Variants in TJP1 observed in about 807,000 individuals in gnomAD.
TJP1 encodes the protein tight junction protein 1, also known as tight junction protein ZO-1.
Under a neutral mutation model 194.2 loss-of-function variants are expected in TJP1, and 43 were observed. That is an observed-to-expected ratio of 0.22 (90% confidence interval 0.17 to 0.29). The LOEUF (loss-of-function observed/expected upper bound fraction) is 0.29. Among genes scored for constraint, TJP1 ranks in the 10% least tolerant of loss-of-function variants. The pLI is 1.00. For synonymous variants in TJP1, 801 were observed against 779.0 expected (o/e 1.03, Z -0.47); for missense variants, 1,971 against 2,185.7 (o/e 0.90, Z 1.96).
intron 1 of TJP1, among the ~76,000 whole-genome samples, chr15:29,810,806 A>G (rs2049439191): frequency 6.6e-6 from 1 of 152,158 alleles, no homozygotes; most frequent in African/African-American, 2.4e-5. Context: ...TCCGGGTAGA[A>G]AAAACAGCAC....
chr15:29,895,078 C>A (rs2053435312), intron 2 of TJP1, among the ~76,000 whole-genome samples: 1 of 152,144 alleles, frequency 6.6e-6, no homozygotes, highest in East Asian at 1.9e-4. Flanking sequence ...ACAGTGGTAG[C>A]CCCAATAATC....
At chr15:29,812,628 C>A (rs1295787816) in intron 1 of TJP1, among the ~76,000 whole-genome samples, 1 of 152,126 alleles carries the variant, frequency 6.6e-6, no homozygotes, top group Non-Finnish European at 1.5e-5. Flanking sequence ...TTACAACACA[C>A]GAACATAAAA....
intron 27 of TJP1, among the ~76,000 whole-genome samples, chr15:29,703,047 A>G (rs980245039): frequency 6.6e-6 from 1 of 152,258 alleles, no homozygotes; most frequent in African/African-American, 2.4e-5. Flanking sequence ...TCATTTACAA[A>G]TAGTGTATAA....
chr15:29,772,290 T>C (rs2046741256), intron 3 of TJP1, 124 bp from the exon 4 acceptor site: 1 of 592,638 alleles, frequency 1.7e-6, no homozygotes, highest in Non-Finnish European at 2.9e-6. Context: ...TTAATTTCTC[T>C]TCAGATCAAT....
At chr15:29,858,514 C>T (rs1016289100) in intron 2 of TJP1, among the ~76,000 whole-genome samples, 6 of 152,212 alleles carry the variant, frequency 3.9e-5, no homozygotes, top group African/African-American at 1.4e-4. Context: ...GGATACAGTG[C>T]TTCTGAAGAC....
chr15:29,705,442 T>C, intron 26 of TJP1, 86 bp downstream of exon 26: 1 of 1,358,718 alleles, frequency 7.4e-7, no homozygotes, highest in Non-Finnish European at 1.0e-6. Flanking sequence ...AGGTGCTGCA[T>C]TATTAGCCAA....
At chr15:29,900,707 C>G (rs149988731) in intron 2 of TJP1, among the ~76,000 whole-genome samples, 65 of 152,292 alleles carry the variant, frequency 4.3e-4, no homozygotes, top group Non-Finnish European at 7.4e-4. Context: ...GAAGGCACAG[C>G]CCAGTGTACG....
chr15:29,783,806 G>A (rs1234878074), intron 2 of TJP1, among the ~76,000 whole-genome samples: 1 of 152,134 alleles, frequency 6.6e-6, no homozygotes, highest in African/African-American at 2.4e-5. Context: ...ACCGGAGGGT[G>A]GAGGGTAGGA....
intron 2 of TJP1, among the ~76,000 whole-genome samples, chr15:29,887,074 T>C (rs1293634748): frequency 4.6e-5 from 7 of 151,014 alleles, no homozygotes; most frequent in African/African-American, 1.5e-4. Context: ...GAAACACCCA[T>C]CCATATTCAG....
At chr15:29,726,517 C>A (rs767582292) in intron 17 of TJP1, 38 bp from the exon 18 acceptor site, 1 of 1,585,890 alleles carries the variant, frequency 6.3e-7, no homozygotes, top group Non-Finnish European at 8.7e-7. Context: ...ATGGTTAGAG[C>A]ACTGCCAAAA....
intron 1 of TJP1, among the ~76,000 whole-genome samples, chr15:29,807,963 C>T (rs539468620): frequency 1.7e-4 from 26 of 152,052 alleles, no homozygotes; most frequent in Non-Finnish European, 3.2e-4. Flanking sequence ...ATCTGAATTA[C>T]GAAACAAAAA....
intron 2 of TJP1, among the ~76,000 whole-genome samples, chr15:29,921,865 A>G (rs2054373565): frequency 7.0e-6 from 1 of 142,918 alleles, no homozygotes; most frequent in Admixed American, 7.1e-5. Context: ...TTTCTCCATG[A>G]CGGAGTTTTG....
At chr15:29,912,767 C>T (rs2054062884) in intron 2 of TJP1, among the ~76,000 whole-genome samples, 1 of 142,176 alleles carries the variant, frequency 7.0e-6, no homozygotes, top group Non-Finnish European at 1.5e-5. Context: ...TGGAACTGTT[C>T]TGAATTTTGA....
At chr15:29,832,164 G>A (rs1024030144) in intron 2 of TJP1, among the ~76,000 whole-genome samples, 1 of 152,092 alleles carries the variant, frequency 6.6e-6, no homozygotes, top group Admixed American at 6.6e-5. Flanking sequence ...TTTAGTTAAA[G>A]GGTAAACATG....
At position 29,783,362 on chromosome 15, in the gene TJP1, T is replaced by C. The variant is rs543872098; in HGVS notation, c.85-10005A>G. On this transcript the variant is annotated intron_variant, in intron 2 of 27. Coordinates refer to ENST00000614355, the MANE Select transcript of TJP1 (RefSeq NM_001330239.4). ...AAAGTCAAAAAAAAATAACAGATGC[T>C]GGCAAGGCTACAGGGAAAAGGGACT... Among the ~76,000 whole-genome samples the C allele has an allele frequency of 1.6e-4, 24 of 152,140 alleles. No individual in the cohort carries two copies. The South Asian group carries it at 5.0e-3, about 32-fold the overall frequency.
intron 18 of TJP1, among the ~76,000 whole-genome samples, chr15:29,725,821 TAAATGCAAGG>T (rs2043205373): frequency 6.6e-6 from 1 of 152,162 alleles, no homozygotes; most frequent in Non-Finnish European, 1.5e-5. Flanking sequence ...GAGTGAAAAA[TAAATGCAAGG>T]AAATGCATGA....
chr15:29,799,390 T>C (rs933931946), intron 2 of TJP1, among the ~76,000 whole-genome samples: 6 of 152,082 alleles, frequency 3.9e-5, no homozygotes, highest in Non-Finnish European at 7.4e-5. Context: ...CATTAAAAAG[T>C]TGACTATATC....
intron 1 of TJP1, chr15:29,820,435 A>G (rs1596028556): frequency 8.7e-6 from 6 of 690,254 alleles, no homozygotes; most frequent in Middle Eastern, 3.2e-4. Context: ...ACAATGCAAA[A>G]AAGTCCCTAC....
chr15:29,769,727 C>T (rs903432340), intron 4 of TJP1, among the ~76,000 whole-genome samples: 1 of 152,120 alleles, frequency 6.6e-6, no homozygotes, highest in African/African-American at 2.4e-5. Context: ...GGGTGCACTG[C>T]AGTACTTATG....
Sources: gnomAD v4.1 joint callset for allele counts (sites outside exome capture counted in the v4.1 genomes callset) on GRCh38, gnomAD v4.1.1 for gene constraint, MANE v1.5 for transcripts, NCBI Gene and HGNC (gene_info 2026-07-23, HGNC 2026-07-21) for gene names.